Variants in PREX1 observed in about 807,000 individuals in gnomAD.
PREX1 encodes phosphatidylinositol-3,4,5-trisphosphate dependent Rac exchange factor 1.
A neutral mutation model predicts 198.3 loss-of-function variants in PREX1; 41 were observed. The ratio of observed to expected loss-of-function variants is 0.21; its 90% CI spans 0.16 to 0.27. The LOEUF (loss-of-function observed/expected upper bound fraction) is 0.27. Ranked by LOEUF, PREX1 falls within the 10% of genes least tolerant of loss-of-function variation. The pLI, the probability that PREX1 is intolerant of heterozygous loss-of-function variation, is 1.00. For missense variants in PREX1, 1,620 were observed against 2,200.7 expected (o/e 0.74, Z 5.28); for synonymous variants, 843 against 887.2 (o/e 0.95, Z 0.89).
At chr20:48,696,189 A>G (rs2089844662) in intron 7 of PREX1, among the ~76,000 whole-genome samples, 1 of 152,188 alleles carries the variant, frequency 6.6e-6, no homozygotes, top group Admixed American at 6.5e-5. Flanking sequence ...AATCATGAAG[A>G]TATTCTCCCA....
At chr20:48,779,780 G>A (rs1309151582) in intron 1 of PREX1, among the ~76,000 whole-genome samples, 1 of 152,140 alleles carries the variant, frequency 6.6e-6, no homozygotes, top group Admixed American at 6.5e-5. Context: ...CCATTTATAC[G>A]GAATGTGTAT....
At position 48,726,213 on chromosome 20, in the gene PREX1, G is replaced by C. The variant is rs1013100559; in HGVS notation, c.621+77C>G. 4.8e-6 allele frequency: 6 copies of C among 1,250,332 alleles called. No individual in the cohort carries two copies. The Admixed American group carries it at 9.8e-5, about 21-fold the overall frequency. 77.5% of individuals were successfully genotyped at this position (1,250,332 alleles called of 1,614,324 possible). The stretch of plus-strand genomic sequence containing the variant: ...GCTGACACTGCTGCTAGACTTCTCA[G>C]ATACTTGAACTAACAAATTTTATGT... On this transcript the variant is annotated intron_variant, in intron 5 of 39. Transcript: ENST00000371941.
At chr20:48,696,177 T>C (rs748076010) in intron 7 of PREX1, among the ~76,000 whole-genome samples, 4 of 152,250 alleles carry the variant, frequency 2.6e-5, no homozygotes, top group Non-Finnish European at 5.9e-5. Context: ...TGCTTACTCC[T>C]AAATCATGAA....
intron 5 of PREX1, among the ~76,000 whole-genome samples, chr20:48,719,310 C>G (rs564174229): frequency 4.7e-4 from 71 of 152,322 alleles, no homozygotes; most frequent in African/African-American, 1.7e-3. Context: ...AGGACCCCCC[C>G]CCCAACTCCC....
At chr20:48,692,482 G>A (rs770638738) in intron 8 of PREX1, 190 bp downstream of exon 8, 2 of 521,518 alleles carry the variant, frequency 3.8e-6, no homozygotes, top group South Asian at 2.7e-5. Context: ...TTGGGGTGCA[G>A]TGTTTTATTT....
intron 14 of PREX1, among the ~76,000 whole-genome samples, chr20:48,674,541 T>C (rs1028933714): frequency 1.5e-4 from 23 of 152,368 alleles, no homozygotes; most frequent in Middle Eastern, 3.4e-3. Flanking sequence ...CATGAATAGA[T>C]ATTCTTGAGG....
chr20:48,686,212 G>A (rs951123360), intron 10 of PREX1, among the ~76,000 whole-genome samples: 3 of 152,066 alleles, frequency 2.0e-5, no homozygotes, highest in African/African-American at 4.8e-5. Context: ...TCAATATCTC[G>A]GAGGCTACCA....
intron 5 of PREX1, among the ~76,000 whole-genome samples, chr20:48,717,897 G>C (rs6019393): frequency 0.57 from 87,320 of 152,054 alleles, 26,865 homozygotes; most frequent in African/African-American, 0.81. Context: ...TGCCTCTTGG[G>C]TATGCAAGGT....
chr20:48,863,586 C>CTT, the PREX1 span, among the ~76,000 whole-genome samples: 277 of 104,286 alleles, frequency 2.7e-3, 4 homozygotes, highest in Middle Eastern at 5.0e-3. Flanking sequence ...TTCATATTGT[C>CTT]TTTTTTTTTT....
intron 1 of PREX1, among the ~76,000 whole-genome samples, chr20:48,774,508 C>T (rs969006690): frequency 6.6e-6 from 1 of 152,256 alleles, no homozygotes; most frequent in Non-Finnish European, 1.5e-5. Context: ...CCCAGACCTA[C>T]CCTTTTCTTG....
At chr20:48,759,549 CAAAAA>C (rs386393896) in intron 1 of PREX1, among the ~76,000 whole-genome samples, 28 of 73,950 alleles carry the variant, frequency 3.8e-4, no homozygotes, top group Admixed American at 7.4e-4. Flanking sequence ...GATTCCATCT[CAAAAA>C]AAAAAAAAAA....
intron 1 of PREX1, among the ~76,000 whole-genome samples, chr20:48,819,500 C>T (rs2090474200): frequency 6.6e-6 from 1 of 152,214 alleles, no homozygotes; most frequent in Admixed American, 6.5e-5. Context: ...CAAACATCAC[C>T]TCATTTTATT....
At chr20:48,862,201 T>G in the PREX1 span, among the ~76,000 whole-genome samples, 1 of 151,896 alleles carries the variant, frequency 6.6e-6, no homozygotes, top group Non-Finnish European at 1.5e-5. Context: ...AGAGCGAGAC[T>G]CTGTCTCAAC....
At chr20:48,765,195 A>G (rs140620763) in intron 1 of PREX1, among the ~76,000 whole-genome samples, 92 of 152,362 alleles carry the variant, frequency 6.0e-4, no homozygotes, top group African/African-American at 2.1e-3. Flanking sequence ...TACAAAACAG[A>G]TATTATCATA....
At chr20:48,672,812 T>A (rs2089684998) in intron 14 of PREX1, among the ~76,000 whole-genome samples, 2 of 151,982 alleles carry the variant, frequency 1.3e-5, no homozygotes, top group Admixed American at 1.3e-4. Context: ...GAGGGGGAGA[T>A]CCCCTGCCCC....
the PREX1 span, among the ~76,000 whole-genome samples, chr20:48,887,675 G>A: frequency 1.3e-5 from 2 of 148,424 alleles, no homozygotes; most frequent in Non-Finnish European, 3.0e-5. Context: ...TGCCGGGTGC[G>A]GTGATTCACG....
At chr20:48,813,885 A>T (rs929342327) in intron 1 of PREX1, among the ~76,000 whole-genome samples, 1 of 152,218 alleles carries the variant, frequency 6.6e-6, no homozygotes, top group East Asian at 1.9e-4. Context: ...CTGAACAGAC[A>T]TAAGGGAATG....
intron 16 of PREX1, 152 bp downstream of exon 16, chr20:48,659,767 C>T: frequency 9.4e-7 from 1 of 1,068,714 alleles, no homozygotes; most frequent in Non-Finnish European, 1.3e-6. Flanking sequence ...AGCCTGGCTT[C>T]TTGGCAGAGT....
At chr20:48,792,922 T>C (rs2090345229) in intron 1 of PREX1, among the ~76,000 whole-genome samples, 2 of 151,538 alleles carry the variant, frequency 1.3e-5, no homozygotes, top group Admixed American at 1.3e-4. Flanking sequence ...AGTACATTAG[T>C]GGGCCAGGCA....
Sources: gnomAD v4.1 joint callset for allele counts (sites outside exome capture counted in the v4.1 genomes callset) on GRCh38, gnomAD v4.1.1 for gene constraint, MANE v1.5 for transcripts, NCBI Gene and HGNC (gene_info 2026-07-23, HGNC 2026-07-21) for gene names.